Variants in EFEMP1 observed in about 807,000 individuals in gnomAD.
EFEMP1 encodes EGF-like fibulin extracellular matrix protein 1, also known as EGF-containing fibulin-like extracellular matrix protein 1.
EFEMP1 carries 18 observed loss-of-function variants against 65.7 expected under a neutral mutation model. The ratio of observed to expected loss-of-function variants is 0.27; its 90% CI spans 0.19 to 0.41. The LOEUF (loss-of-function observed/expected upper bound fraction) is 0.41. Ranked by LOEUF, EFEMP1 falls within the 10% of genes least tolerant of loss-of-function variation. The probability of loss-of-function intolerance (pLI) is 1.00; values close to 1 mark genes in which losing one functional copy is unlikely to be tolerated. For missense variants in EFEMP1, 469 were observed against 624.8 expected, an observed-to-expected ratio of 0.75 and a Z score of 2.66; for synonymous variants, 237 against 219.7, an observed-to-expected ratio of 1.08 and a Z score of -0.70.
rs1394390280 is a variant in EFEMP1, at chr2:55,885,679, T to C, written c.518-3945A>G. ...TGCTGACTTTGGCACCGTTAGTTGCTTTAAATAACACAGGCTAATCTTTGC... is the reference window on the plus strand; with the variant it reads ...TGCTGACTTTGGCACCGTTAGTTGCCTTAAATAACACAGGCTAATCTTTGC... On this transcript the variant is annotated intron_variant, in intron 5 of 11. Transcript: ENST00000355426. This position sits in a 1 kb window ranked among gnomAD's most constrained non-coding sequence, Gnocchi z 4.3. 6.6e-6 allele frequency among the ~76,000 whole-genome samples: 1 copy of C among 152,184 alleles called. No individual in the cohort carries two copies. Among genetic ancestry groups the C allele is most frequent in the Admixed American group, 6.5e-5 (1 of 15,280 alleles).
intron 5 of EFEMP1, among the ~76,000 whole-genome samples, chr2:55,909,257 C>T (rs1670393168): frequency 6.6e-6 from 1 of 152,110 alleles, no homozygotes. Flanking sequence ...TACTAATTGC[C>T]TATTCAATAA....
chr2:55,872,557 A>C (rs1668852031), intron 9 of EFEMP1, among the ~76,000 whole-genome samples: 1 of 152,126 alleles, frequency 6.6e-6, no homozygotes, highest in African/African-American at 2.4e-5. Flanking sequence ...TTTCCACTTG[A>C]TATGGATGAA....
At position 55,873,844 on chromosome 2, in the gene EFEMP1, C is replaced by G. The variant is rs1008439065; in HGVS notation, c.1000+1102G>C. Among the ~76,000 whole-genome samples, 5 of 151,836 alleles carry G rather than the reference C, an allele frequency of 3.3e-5. No individual in the cohort carries two copies. The highest frequency in any genetic ancestry group is 1.2e-4 in the African/African-American group (5 of 41,354). On this transcript the variant is annotated intron_variant, in intron 9 of 11. Transcript: ENST00000355426. The surrounding 1 kb of genome is among the most constrained non-coding windows in gnomAD (Gnocchi z 4.6). ...AAAATCATGATATAGACTGAGAATC[C>G]CCAGTGTCTCCTTTCCTTGATCTTT...
chr2:55,922,800 C>T lies in EFEMP1; in HGVS notation c.-8+99G>A. 2 of 894,290 alleles carry T rather than the reference C, an allele frequency of 2.2e-6. No homozygotes were observed. The highest frequency in any genetic ancestry group is 1.8e-5 in the South Asian group (1 of 54,336). 55.4% of individuals were successfully genotyped at this position (894,290 alleles called of 1,614,324 possible). ...AAACAGTAATCCATTTCAAAGGGGACGGTGCATTTCCTGCCCCCCAGTCCC... is the reference window on the plus strand; with the variant it reads ...AAACAGTAATCCATTTCAAAGGGGATGGTGCATTTCCTGCCCCCCAGTCCC... On this transcript the variant is annotated intron_variant, in intron 2 of 11. Transcript: ENST00000355426. This position sits in a 1 kb window ranked among gnomAD's most constrained non-coding sequence, Gnocchi z 5.5.
intron 5 of EFEMP1, among the ~76,000 whole-genome samples, chr2:55,899,228 A>C (rs561519966): frequency 6.6e-6 from 1 of 152,336 alleles, no homozygotes; most frequent in African/African-American, 2.4e-5. Context: ...GAGGCTCTCA[A>C]CTAGGGTCTG....
chr2:55,902,508 T>G (rs1670077528), intron 5 of EFEMP1, among the ~76,000 whole-genome samples: 1 of 152,178 alleles, frequency 6.6e-6, no homozygotes, highest in African/African-American at 2.4e-5. Flanking sequence ...CGCACCAAAA[T>G]AAAAATAACT....
chr2:55,916,556 C>G (rs1451237243), intron 5 of EFEMP1, among the ~76,000 whole-genome samples: 1 of 152,124 alleles, frequency 6.6e-6, no homozygotes, highest in South Asian at 2.1e-4. Context: ...CTATTGAAAC[C>G]CTTGGTGTTA....
intron 5 of EFEMP1, among the ~76,000 whole-genome samples, chr2:55,895,958 A>T (rs1669817344): frequency 6.6e-6 from 1 of 152,204 alleles, no homozygotes; most frequent in Non-Finnish European, 1.5e-5. Context: ...TTAAGGATGA[A>T]GCACCTTGTC....
rs377455437 is a variant in EFEMP1 at position 55,923,695 on chromosome 2, C to A, written c.-49+16G>T. The A allele has an allele frequency of 1.0e-4, 101 of 985,738 alleles. No individual in the cohort carries two copies. In the African/African-American group the frequency reaches 1.5e-3, roughly 15 times the overall value. 61.1% of individuals were successfully genotyped at this position (985,738 alleles called of 1,614,324 possible). On this transcript the variant is annotated intron_variant, in intron 1 of 11. Transcript: ENST00000355426. The surrounding 1 kb of genome is among the most constrained non-coding windows in gnomAD (Gnocchi z 5.3). Reference sequence around the variant, plus strand: ...ACTGGGCTCGCTCGGGGCGACCCCCCGTTGGGGGCTCCTACCTGTGCGGCC... The same window carrying A: ...ACTGGGCTCGCTCGGGGCGACCCCCAGTTGGGGGCTCCTACCTGTGCGGCC...
rs149890382 is a variant in EFEMP1 at position 55,917,675 on chromosome 2, G to A, written c.507C>T (p.Asn169=). Residue 169 remains asparagine, a synonymous_variant, in exon 5 of 12, where the codon AAC becomes AAT. Coordinates refer to ENST00000355426, the MANE Select transcript of EFEMP1 (RefSeq NM_001039348.3). This position sits in a 1 kb window ranked among gnomAD's most constrained non-coding sequence, Gnocchi z 6.3. ...ATAAGTTATTCCTACCTTGGCACAC[G>A]TTGTGTTCACTTTGCTCGTAGCCTG... ...CAAGYEQSEH[N]VCQDIDECTA... The A allele has an allele frequency of 1.6e-4, 266 of 1,614,080 alleles. No individual in the cohort carries two copies. Among genetic ancestry groups the A allele is most frequent in the African/African-American group, 2.0e-4 (15 of 74,924 alleles).
chr2:55,884,668 A>G (rs1026267522), intron 5 of EFEMP1, among the ~76,000 whole-genome samples: 3 of 152,208 alleles, frequency 2.0e-5, no homozygotes, highest in Admixed American at 6.5e-5. Context: ...AAGGGAAACT[A>G]CTCAGGTCAG....
In EFEMP1 at chr2:55,885,108, A is replaced by C. The variant is rs1669378333; in HGVS notation, c.518-3374T>G. ...AGTAAAAGAAAAATGATGTTGAGCA[A>C]GTGAGTCCAGGAGTGCAGAGGCTAT... is the stretch of plus-strand genomic sequence containing the variant. On this transcript the variant is annotated intron_variant, in intron 5 of 11. Transcript: ENST00000355426. The surrounding 1 kb of genome is among the most constrained non-coding windows in gnomAD (Gnocchi z 4.3). Among the ~76,000 whole-genome samples, 2 of 152,226 alleles carry C rather than the reference A, an allele frequency of 1.3e-5. No homozygotes were observed. The highest frequency in any genetic ancestry group is 1.3e-4 in the Admixed American group (2 of 15,272).
At chr2:55,898,812 G>T (rs1446445677) in intron 5 of EFEMP1, among the ~76,000 whole-genome samples, 1 of 152,104 alleles carries the variant, frequency 6.6e-6, no homozygotes, top group Non-Finnish European at 1.5e-5. Flanking sequence ...CACAGTACCT[G>T]CCTTGCCTCA....
At chr2:55,901,233 A>G (rs1670019556) in intron 5 of EFEMP1, among the ~76,000 whole-genome samples, 1 of 152,244 alleles carries the variant, frequency 6.6e-6, no homozygotes, top group Non-Finnish European at 1.5e-5. Flanking sequence ...AACATAAAGC[A>G]AGAGCAGTGT....
chr2:55,878,264 G>T (rs1039409235), intron 6 of EFEMP1, among the ~76,000 whole-genome samples: 2 of 152,160 alleles, frequency 1.3e-5, no homozygotes, highest in Non-Finnish European at 2.9e-5. Context: ...GTGCTCAACT[G>T]GTGACCTTGG....
intron 5 of EFEMP1, among the ~76,000 whole-genome samples, chr2:55,884,026 A>C (rs529322106): frequency 2.6e-5 from 4 of 152,142 alleles, no homozygotes; most frequent in African/African-American, 7.2e-5. Context: ...TACACATTTT[A>C]CTTACTGGGA....
Position 55,877,690 on chromosome 2 carries a change from T to A in EFEMP1, c.760+56A>T, listed in dbSNP as rs1237401018. The stretch of plus-strand genomic sequence containing the variant: ...ATAGAAAACTGGAAATACTGCAACA[T>A]GGCATGGGGTTTCCTTTTGTGAAGA... On this transcript the variant is annotated intron_variant, in intron 7 of 11. Coordinates refer to ENST00000355426, the MANE Select transcript of EFEMP1 (RefSeq NM_001039348.3). This position sits in a 1 kb window ranked among gnomAD's most constrained non-coding sequence, Gnocchi z 4.5. 1 of 1,610,508 alleles carries A rather than the reference T, an allele frequency of 6.2e-7. No individual in the cohort carries two copies. The highest frequency in any genetic ancestry group is 2.2e-5 in the East Asian group (1 of 44,748).
rs532278927 is a variant in EFEMP1 at position 55,906,499 on chromosome 2, C to T, written c.517+11166G>A. On this transcript the variant is annotated intron_variant, in intron 5 of 11. Coordinates refer to ENST00000355426, the MANE Select transcript of EFEMP1 (RefSeq NM_001039348.3). ...TCGGCCTCCCAAAGTGCTGGGATTA[C>T]AAGCTTGAGTCACCATGCCCAGCCA... Among the ~76,000 whole-genome samples the T allele has an allele frequency of 6.6e-5, 10 of 152,320 alleles. 1 individual carries two copies. The South Asian group carries it at 2.1e-3, about 32-fold the overall frequency.
chr2:55,898,116 T>G (rs1288490230), intron 5 of EFEMP1, among the ~76,000 whole-genome samples: 1 of 152,198 alleles, frequency 6.6e-6, no homozygotes, highest in Non-Finnish European at 1.5e-5. Flanking sequence ...TACAGTTTAA[T>G]GAATGTGAGC....
Sources: gnomAD v4.1 joint callset for allele counts (sites outside exome capture counted in the v4.1 genomes callset) on GRCh38, gnomAD v4.1.1 for gene constraint, Gnocchi (gnomAD v3.1) non-coding constraint, MANE v1.5 for transcripts, NCBI Gene and HGNC (gene_info 2026-07-23, HGNC 2026-07-21) for gene names.